The following AGBL4 variants were observed in gnomAD, a reference collection of about 807,000 sequenced individuals.
AGBL4 encodes the protein cytosolic carboxypeptidase 6.
In AGBL4, 58 loss-of-function variants were observed where a neutral mutation model predicts 66.4. That is an observed-to-expected ratio of 0.87 (90% CI 0.71 to 1.09). The LOEUF is 1.09. AGBL4 is among the 50% of genes least tolerant of loss of function. The probability of loss-of-function intolerance (pLI) is 0.00; values close to 1 mark genes in which losing one functional copy is unlikely to be tolerated. For synonymous variants in AGBL4, 234 were observed against 222.9 expected (o/e 1.05, Z -0.44); for missense variants, 579 against 631.0 (o/e 0.92, Z 0.88).
At chr1:48,782,903 C>A (rs1645330237) in intron 6 of AGBL4, among the ~76,000 whole-genome samples, 1 of 152,164 alleles carries the variant, frequency 6.6e-6, no homozygotes, top group East Asian at 1.9e-4. Flanking sequence ...CTTAAAAATC[C>A]TCTGTGTTCC....
intron 9 of AGBL4, among the ~76,000 whole-genome samples, chr1:48,624,064 G>A (rs2148400732): frequency 6.6e-6 from 1 of 152,244 alleles, no homozygotes; most frequent in African/African-American, 2.4e-5. Flanking sequence ...CAGCAGAGAG[G>A]GAGCAAAGAA....
intron 1 of AGBL4, among the ~76,000 whole-genome samples, chr1:49,880,375 T>C (rs1472372705): frequency 2.0e-5 from 3 of 152,032 alleles, no homozygotes; most frequent in Admixed American, 6.5e-5. Flanking sequence ...GTTTTCCTTC[T>C]AACAGACAGG....
intron 3 of AGBL4, among the ~76,000 whole-genome samples, chr1:49,658,473 A>T (rs1010654387): frequency 2.0e-5 from 3 of 152,226 alleles, no homozygotes; most frequent in Admixed American, 6.5e-5. Context: ...ATCTAGAACT[A>T]GAAATACCAT....
intron 9 of AGBL4, among the ~76,000 whole-genome samples, chr1:48,621,117 GA>G (rs10710339): frequency 0.029 from 4,409 of 152,246 alleles, 192 homozygotes; most frequent in African/African-American, 0.1. Context: ...AAGGGATAGG[GA>G]AATTCCCTAT....
intron 4 of AGBL4, among the ~76,000 whole-genome samples, chr1:49,192,547 C>T (rs1647141762): frequency 6.6e-6 from 1 of 152,214 alleles, no homozygotes; most frequent in African/African-American, 2.4e-5. Context: ...GATCTGCCTG[C>T]CTTAGCCTCC....
chr1:49,180,899 G>A (rs1165665601), intron 4 of AGBL4, among the ~76,000 whole-genome samples: 1 of 152,198 alleles, frequency 6.6e-6, no homozygotes, highest in African/African-American at 2.4e-5. Flanking sequence ...TTATGTGAGA[G>A]CTGATATTTG....
chr1:49,742,946 C>A (rs373855486), intron 2 of AGBL4, among the ~76,000 whole-genome samples: 1 of 152,036 alleles, frequency 6.6e-6, no homozygotes, highest in African/African-American at 2.4e-5. Context: ...ACCATAAAAA[C>A]CCTAGAAAAA....
intron 9 of AGBL4, chr1:48,634,093 A>G (rs1645631730): frequency 6.4e-6 from 1 of 155,050 alleles, no homozygotes; most frequent in Non-Finnish European, 1.4e-5. Flanking sequence ...TCAGCAGTCA[A>G]GTTCCCTATG....
intron 1 of AGBL4, among the ~76,000 whole-genome samples, chr1:49,917,323 G>T (rs904591158): frequency 2.0e-5 from 3 of 151,832 alleles, no homozygotes; most frequent in African/African-American, 4.8e-5. Context: ...CCATCAGTGT[G>T]CTGTATTCAG....
intron 8 of AGBL4, among the ~76,000 whole-genome samples, chr1:48,644,927 C>T (rs1486221435): frequency 6.6e-6 from 1 of 152,164 alleles, no homozygotes; most frequent in Non-Finnish European, 1.5e-5. Flanking sequence ...CTCCAGACTC[C>T]CTAGCTGCTA....
chr1:49,552,012 A>T (rs1652997383), intron 3 of AGBL4, among the ~76,000 whole-genome samples: 1 of 152,090 alleles, frequency 6.6e-6, no homozygotes, highest in Non-Finnish European at 1.5e-5. Flanking sequence ...AGGTCGATGG[A>T]GTTACACAAC....
chr1:49,543,165 C>T (rs1237777925), intron 3 of AGBL4, among the ~76,000 whole-genome samples: 5 of 152,054 alleles, frequency 3.3e-5, no homozygotes, highest in Non-Finnish European at 5.9e-5. Flanking sequence ...ACCTCTAATC[C>T]ATAATTCTGA....
chr1:49,203,988 G>A lies in AGBL4; in HGVS notation c.377+41782C>T, dbSNP rs184325692. The stretch of plus-strand genomic sequence containing the variant: ...ACACTCACTATATGTCAGCACTGAC[G>A]CCACAACCATAAAGAAAATGGATAA... On this transcript the variant is annotated intron_variant, in intron 4 of 13. Transcript: ENST00000371839. 3.0e-4 allele frequency among the ~76,000 whole-genome samples: 45 copies of A among 152,226 alleles called. 1 individual carries two copies. Among genetic ancestry groups the A allele is most frequent in the African/African-American group, 1.0e-3 (43 of 41,526 alleles).
At chr1:49,694,888 C>G (rs1257590089) in intron 3 of AGBL4, among the ~76,000 whole-genome samples, 1 of 152,088 alleles carries the variant, frequency 6.6e-6, no homozygotes, top group Non-Finnish European at 1.5e-5. Flanking sequence ...CCCCTCTACC[C>G]CTCCTTGTAT....
intron 3 of AGBL4, among the ~76,000 whole-genome samples, chr1:49,684,002 A>G (rs2124570161): frequency 6.6e-6 from 1 of 152,270 alleles, no homozygotes; most frequent in East Asian, 1.9e-4. Flanking sequence ...AAAGTTAGCT[A>G]AAATTCAAAG....
Position 48,701,410 on chromosome 1 carries a change from T to C in AGBL4, c.635-38169A>G, listed in dbSNP as rs1646798766. On this transcript the variant is annotated intron_variant, in intron 6 of 13. Coordinates refer to ENST00000371839, the MANE Select transcript of AGBL4 (RefSeq NM_032785.4). ...TTCATCTATAAACTGGGAAGAATAA[T>C]ACATGTTCTACCTAATACCAGATTG... Among the ~76,000 whole-genome samples, 4 of 152,082 alleles carry C rather than the reference T, an allele frequency of 2.6e-5. No individual in the cohort carries two copies. In the South Asian group the frequency reaches 8.3e-4, roughly 32 times the overall value.
intron 3 of AGBL4, among the ~76,000 whole-genome samples, chr1:49,537,926 CAAA>C (rs555519458): frequency 1.1e-5 from 1 of 88,846 alleles, no homozygotes; most frequent in Non-Finnish European, 2.3e-5. Context: ...GACTCCATCT[CAAA>C]AAAAAAAAAA....
chr1:49,613,085 T>A (rs1415494805), intron 3 of AGBL4, among the ~76,000 whole-genome samples: 1 of 152,146 alleles, frequency 6.6e-6, no homozygotes. Flanking sequence ...TGCAGCAACA[T>A]GGATGCAGCT....
intron 4 of AGBL4, among the ~76,000 whole-genome samples, chr1:49,109,235 G>A (rs1645358852): frequency 6.6e-6 from 1 of 152,110 alleles, no homozygotes; most frequent in Non-Finnish European, 1.5e-5. Flanking sequence ...AGTCATCTTA[G>A]CTACACCCCT....
Sources: allele counts gnomAD v4.1 joint callset (sites outside exome capture counted in the v4.1 genomes callset), GRCh38; gene constraint gnomAD v4.1.1; transcripts MANE v1.5; gene names NCBI Gene and HGNC (gene_info 2026-07-23, HGNC 2026-07-21).